Variants in MAP7 observed in about 807,000 individuals in gnomAD.
MAP7 encodes microtubule associated protein 7, also known as ensconsin.
In MAP7, 52 loss-of-function variants were observed where a neutral mutation model predicts 94.8. The observed-to-expected ratio is 0.55, with a 90% confidence interval of 0.44 to 0.69. MAP7 has a LOEUF of 0.69. Among genes scored for constraint, MAP7 ranks in the 30% least tolerant of loss-of-function variants. The probability of loss-of-function intolerance (pLI) is 0.00; values close to 1 mark genes in which losing one functional copy is unlikely to be tolerated. For synonymous variants in MAP7, 350 were observed against 357.0 expected (o/e 0.98, Z 0.22); for missense variants, 940 against 964.6 (o/e 0.97, Z 0.34).
intron 8 of MAP7, among the ~76,000 whole-genome samples, chr6:136,370,606 A>G (rs1285680119): frequency 6.6e-6 from 1 of 152,244 alleles, no homozygotes; most frequent in Admixed American, 6.5e-5. Flanking sequence ...GACATATGCT[A>G]TAATAAGAAT....
intron 10 of MAP7, 134 bp downstream of exon 10, chr6:136,365,601 G>T: frequency 1.2e-6 from 1 of 858,350 alleles, no homozygotes; most frequent in Non-Finnish European, 1.8e-6. Context: ...CTTAAGGAAA[G>T]GTATTAAACT....
chr6:136,531,621 G>C (rs1322441216), intron 1 of MAP7, among the ~76,000 whole-genome samples: 1 of 144,508 alleles, frequency 6.9e-6, no homozygotes, highest in East Asian at 2.0e-4. Flanking sequence ...GAGAAAGAGA[G>C]AGACGGGACA....
At chr6:136,376,402 A>G (rs138111425) in intron 7 of MAP7, among the ~76,000 whole-genome samples, 15 of 152,214 alleles carry the variant, frequency 9.9e-5, no homozygotes, top group African/African-American at 3.4e-4. Flanking sequence ...CCCGGCCTGA[A>G]AAGTGGTTTA....
chr6:136,401,811 T>C (rs1199228201), intron 3 of MAP7, among the ~76,000 whole-genome samples: 1 of 152,002 alleles, frequency 6.6e-6, no homozygotes, highest in Admixed American at 6.5e-5. Context: ...CTGTCTCTAA[T>C]GTAAAAAAAC....
intron 16 of MAP7, among the ~76,000 whole-genome samples, chr6:136,349,317 G>T (rs1788506397): frequency 6.6e-6 from 1 of 151,882 alleles, no homozygotes. Flanking sequence ...ATCTTACATA[G>T]GAAAATGTAT....
chr6:136,446,386 G>C (rs909495798), intron 1 of MAP7, among the ~76,000 whole-genome samples: 33 of 152,304 alleles, frequency 2.2e-4, no homozygotes, highest in African/African-American at 7.5e-4. Context: ...GCACAGCATG[G>C]GAGAAGGGAC....
intron 1 of MAP7, among the ~76,000 whole-genome samples, chr6:136,456,770 A>AGGAGGAGGAC (rs1464535719): frequency 2.2e-4 from 11 of 49,384 alleles, no homozygotes; most frequent in African/African-American, 1.0e-3. Flanking sequence ...AGGAGGAGGA[A>AGGAGGAGGAC]GAAGAAGAAG....
chr6:136,374,220 G>A (rs971683118), intron 7 of MAP7, among the ~76,000 whole-genome samples: 28 of 152,210 alleles, frequency 1.8e-4, no homozygotes, highest in African/African-American at 4.8e-4. Context: ...CCTTAATGGA[G>A]AAGGAAGGAT....
At chr6:136,515,449 G>A (rs1824522943) in intron 1 of MAP7, among the ~76,000 whole-genome samples, 1 of 152,188 alleles carries the variant, frequency 6.6e-6, no homozygotes, top group Admixed American at 6.5e-5. Flanking sequence ...CTAGCTCTCA[G>A]CCTATCTAGG....
At chr6:136,360,960 T>C (rs1367712171) in intron 12 of MAP7, 45 bp downstream of exon 12, 45 of 1,548,298 alleles carry the variant, frequency 2.9e-5, no homozygotes, top group Non-Finnish European at 3.5e-5. Context: ...CTGGGGCGTC[T>C]CCCTGCGGGA....
At chr6:136,449,465 T>C (rs920150624) in intron 1 of MAP7, among the ~76,000 whole-genome samples, 3 of 152,204 alleles carry the variant, frequency 2.0e-5, no homozygotes, top group Non-Finnish European at 4.4e-5. Flanking sequence ...TTTATGTTAA[T>C]AAAAAGGAAA....
chr6:136,525,895 C>G, intron 1 of MAP7: 1 of 1,535,438 alleles, frequency 6.5e-7, no homozygotes, highest in East Asian at 2.4e-5. Context: ...GTGAATAAAC[C>G]AAGAGGAATT....
chr6:136,505,175 T>C (rs1821001912), intron 1 of MAP7, among the ~76,000 whole-genome samples: 1 of 149,142 alleles, frequency 6.7e-6, no homozygotes, highest in Non-Finnish European at 1.5e-5. Flanking sequence ...TGAAATAAGC[T>C]GAGTTCGCAA....
chr6:136,453,428 G>T (rs1801789741), intron 1 of MAP7, among the ~76,000 whole-genome samples: 1 of 152,144 alleles, frequency 6.6e-6, no homozygotes, highest in South Asian at 2.1e-4. Context: ...TGTCCCAGTG[G>T]TAATTAGCTA....
chr6:136,424,730 A>G (rs150952852), intron 1 of MAP7, among the ~76,000 whole-genome samples: 23 of 152,308 alleles, frequency 1.5e-4, no homozygotes, highest in African/African-American at 5.1e-4. Context: ...GTCTTCTCTC[A>G]ACTGTTCAGA....
chr6:136,454,676 G>A (rs1240615161), intron 1 of MAP7, among the ~76,000 whole-genome samples: 6 of 151,998 alleles, frequency 3.9e-5, no homozygotes, highest in Admixed American at 6.5e-5. Context: ...AGGCTGAGGC[G>A]GGAGGACCAC....
intron 1 of MAP7, among the ~76,000 whole-genome samples, chr6:136,432,297 C>A (rs1795158868): frequency 6.6e-6 from 1 of 152,152 alleles, no homozygotes; most frequent in African/African-American, 2.4e-5. Context: ...TATTCAGTAA[C>A]TCTTTTATTT....
At chr6:136,537,059 A>T (rs780794760) in intron 1 of MAP7, among the ~76,000 whole-genome samples, 1 of 151,538 alleles carries the variant, frequency 6.6e-6, no homozygotes, top group Non-Finnish European at 1.5e-5. Context: ...GTCCTGCAAC[A>T]CTCTCACAAT....
chr6:136,393,313 C>A (rs1781303342), intron 3 of MAP7, among the ~76,000 whole-genome samples: 1 of 152,018 alleles, frequency 6.6e-6, no homozygotes, highest in Non-Finnish European at 1.5e-5. Flanking sequence ...CCAAGCAGAT[C>A]CATGTTTTGA....
Sources: gnomAD v4.1 joint callset for allele counts (sites outside exome capture counted in the v4.1 genomes callset) on GRCh38, gnomAD v4.1.1 for gene constraint, MANE v1.5 for transcripts, NCBI Gene and HGNC (gene_info 2026-07-23, HGNC 2026-07-21) for gene names.